Variants in NAV2 observed in about 807,000 individuals in gnomAD.
The protein encoded by NAV2 is helicase, APC down-regulated 1.
A neutral mutation model predicts 223.2 loss-of-function variants in NAV2; 54 were observed. The observed-to-expected ratio is 0.24, with a 90% CI of 0.19 to 0.30. NAV2 has a LOEUF of 0.30. Ranked by LOEUF, NAV2 falls within the 10% of genes least tolerant of loss-of-function variation. The pLI is 1.00. For synonymous variants in NAV2, 1,279 were observed against 1,239.3 expected, an observed-to-expected ratio of 1.03 and a Z score of -0.67; for missense variants, 2,806 against 3,147.5, an observed-to-expected ratio of 0.89 and a Z score of 2.60.
At chr11:20,098,383 C>G (rs890782888) in intron 31 of NAV2, among the ~76,000 whole-genome samples, 2 of 152,220 alleles carry the variant, frequency 1.3e-5, no homozygotes, top group African/African-American at 4.8e-5. Flanking sequence ...AGTGTCCTAA[C>G]TCCTGCTGTT....
At chr11:20,078,689 C>G (rs2059909015) in intron 24 of NAV2, among the ~76,000 whole-genome samples, 1 of 152,192 alleles carries the variant, frequency 6.6e-6, no homozygotes. Flanking sequence ...AACTCCTGTC[C>G]TCAAGCAATC....
chr11:19,808,041 G>A (rs957669678), intron 1 of NAV2, among the ~76,000 whole-genome samples: 1 of 152,158 alleles, frequency 6.6e-6, no homozygotes, highest in Non-Finnish European at 1.5e-5. Context: ...TTGAGACCTG[G>A]CTATGCGTCC....
At chr11:19,718,811 A>C (rs1001520794) in intron 1 of NAV2, among the ~76,000 whole-genome samples, 1 of 152,192 alleles carries the variant, frequency 6.6e-6, no homozygotes, top group Admixed American at 6.5e-5. Context: ...TCTGTATATA[A>C]ATACATCTAC....
chr11:19,744,803 C>T (rs565552799), intron 1 of NAV2, among the ~76,000 whole-genome samples: 21 of 152,216 alleles, frequency 1.4e-4, no homozygotes, highest in Admixed American at 5.2e-4. Context: ...GCATCATCAT[C>T]TCTTAGGCAT....
At chr11:20,090,538 G>A (rs922600841) in intron 26 of NAV2, among the ~76,000 whole-genome samples, 15 of 151,908 alleles carry the variant, frequency 9.9e-5, no homozygotes, top group African/African-American at 3.4e-4. Flanking sequence ...ACAAAAGTAG[G>A]AACTCAGGAA....
At chr11:19,971,323 A>C (rs996148130) in intron 10 of NAV2, among the ~76,000 whole-genome samples, 11 of 152,114 alleles carry the variant, frequency 7.2e-5, no homozygotes, top group African/African-American at 2.7e-4. Flanking sequence ...TGTGGTTTGC[A>C]TAGGGTGCCT....
intron 1 of NAV2, among the ~76,000 whole-genome samples, chr11:19,597,012 A>T (rs1352726997): frequency 6.6e-6 from 1 of 152,140 alleles, no homozygotes; most frequent in Admixed American, 6.5e-5. Context: ...GACTCCACCA[A>T]CTGCCTCCCT....
chr11:19,462,905 C>T (rs1484187793), intron 1 of NAV2, among the ~76,000 whole-genome samples: 1 of 152,232 alleles, frequency 6.6e-6, no homozygotes, highest in African/African-American at 2.4e-5. Context: ...TATATCAGCT[C>T]TGTTTCCAGG....
rs371865565 is a variant in NAV2, at chr11:19,618,310, A to C, written c.76-214174A>C. 1.3e-4 allele frequency among the ~76,000 whole-genome samples: 20 copies of C among 151,366 alleles called. No homozygotes were observed. In the East Asian group the frequency reaches 2.9e-3, roughly 22 times the overall value. ...GATTGCTGGCTGGATGGATTGCTGG[A>C]TGGATAGATGAACAGACGGATGGAT... On this transcript the variant is annotated intron_variant, in intron 1 of 37. Coordinates refer to the NAV2 transcript ENST00000360655.
chr11:19,961,394 A>AT (rs1487057376), intron 10 of NAV2, among the ~76,000 whole-genome samples: 1 of 152,218 alleles, frequency 6.6e-6, no homozygotes, highest in Non-Finnish European at 1.5e-5. Flanking sequence ...TGAGGTGAAT[A>AT]TGAAAAGAAA....
intron 1 of NAV2, among the ~76,000 whole-genome samples, chr11:19,551,985 G>A (rs576940403): frequency 6.6e-6 from 1 of 152,086 alleles, no homozygotes; most frequent in African/African-American, 2.4e-5. Flanking sequence ...CTGGGGTCTT[G>A]GGGCTTCTGA....
rs150100450 is a variant in NAV2, at chr11:20,011,810, C to T, written c.2769-24149C>T. Among the ~76,000 whole-genome samples, 427 of 152,324 alleles carry T rather than the reference C, an allele frequency of 2.8e-3. 2 individuals are homozygous for T. The highest frequency in any genetic ancestry group is 8.5e-3 in the African/African-American group (352 of 41,558). On this transcript the variant is annotated intron_variant, in intron 11 of 37. Coordinates refer to ENST00000349880, the MANE Select transcript of NAV2 (RefSeq NM_145117.5). ...ACACACAGGATTCCATTCTATGTGG[C>T]GGAGCCATAATTTGATTAACTGTCT...
intron 1 of NAV2, among the ~76,000 whole-genome samples, chr11:19,794,220 G>A (rs760449514): frequency 7.2e-5 from 11 of 152,308 alleles, no homozygotes; most frequent in Admixed American, 2.0e-4. Flanking sequence ...GAAAAGGAAC[G>A]CCTGTGCTCG....
chr11:20,008,449 A>G (rs1303055859), intron 11 of NAV2, among the ~76,000 whole-genome samples: 1 of 152,156 alleles, frequency 6.6e-6, no homozygotes, highest in Admixed American at 6.5e-5. Flanking sequence ...CTACTTCTTG[A>G]GGTCCAAAAA....
chr11:19,804,575 A>T (rs1360381053), intron 1 of NAV2, among the ~76,000 whole-genome samples: 1 of 152,188 alleles, frequency 6.6e-6, no homozygotes, highest in East Asian at 1.9e-4. Context: ...AATGACAATG[A>T]CATAGTGGAT....
At chr11:19,885,875 G>C (rs1027044246) in intron 5 of NAV2, among the ~76,000 whole-genome samples, 2 of 152,132 alleles carry the variant, frequency 1.3e-5, no homozygotes, top group Non-Finnish European at 2.9e-5. Flanking sequence ...CAGTGTGTTA[G>C]CCTCTAGGTG....
intron 1 of NAV2, among the ~76,000 whole-genome samples, chr11:19,669,272 G>A (rs1046000501): frequency 2.0e-5 from 3 of 152,204 alleles, no homozygotes; most frequent in Admixed American, 2.0e-4. Context: ...TCACTCCAGT[G>A]TTCTCATCTA....
intron 1 of NAV2, among the ~76,000 whole-genome samples, chr11:19,575,148 G>A (rs780676639): frequency 1.2e-4 from 18 of 152,208 alleles, no homozygotes; most frequent in Non-Finnish European, 2.5e-4. Context: ...GCTGCAACTG[G>A]CAGAGGTTAA....
At chr11:19,741,067 T>C (rs995360104) in intron 1 of NAV2, among the ~76,000 whole-genome samples, 7 of 152,260 alleles carry the variant, frequency 4.6e-5, no homozygotes, top group Admixed American at 4.6e-4. Context: ...TTTTCAAAGA[T>C]GGGAATGTAA....
Sources: allele counts gnomAD v4.1 joint callset (sites outside exome capture counted in the v4.1 genomes callset), GRCh38; gene constraint gnomAD v4.1.1; transcripts MANE v1.5; gene names NCBI Gene and HGNC (gene_info 2026-07-23, HGNC 2026-07-21).